The following ABCA12 variants were observed in gnomAD, a reference collection of about 807,000 sequenced individuals.
ABCA12 encodes the protein glucosylceramide transporter ABCA12.
In ABCA12, 156 loss-of-function variants were observed where a neutral mutation model predicts 293.5. The observed-to-expected ratio is 0.53, with a 90% confidence interval of 0.47 to 0.61. The LOEUF (loss-of-function observed/expected upper bound fraction) is 0.61. Among genes scored for constraint, ABCA12 ranks in the 20% least tolerant of loss-of-function variants. ABCA12 has a pLI of 0.00. For synonymous variants in ABCA12, 1,063 were observed against 1,108.0 expected (o/e 0.96, Z 0.81); for missense variants, 2,797 against 3,090.2 (o/e 0.91, Z 2.25).
intron 44 of ABCA12, among the ~76,000 whole-genome samples, chr2:214,952,070 A>AAT (rs1352157148): frequency 2.0e-5 from 3 of 152,080 alleles, no homozygotes; most frequent in African/African-American, 7.2e-5. Context: ...AAAAAAAAAA[A>AAT]ATTTAAAGAA....
At chr2:215,063,582 G>A (rs1701578259) in intron 3 of ABCA12, among the ~76,000 whole-genome samples, 1 of 151,804 alleles carries the variant, frequency 6.6e-6, no homozygotes, top group African/African-American at 2.4e-5. Context: ...ATTCAATTAT[G>A]TATACTTTTA....
At chr2:214,992,252 C>A (rs1454184975) in intron 23 of ABCA12, among the ~76,000 whole-genome samples, 1 of 151,472 alleles carries the variant, frequency 6.6e-6, no homozygotes, top group African/African-American at 2.4e-5. Context: ...ACCATCCTGG[C>A]TAACACAATG....
rs201542666 is a variant in ABCA12 at position 215,111,630 on chromosome 2, G to A, written c.130C>T (p.Arg44Trp). The change falls in exon 2 of 53, where the codon CGG (arginine) becomes TGG (tryptophan). Residue 44 changes from arginine to tryptophan, a missense_variant. Around this residue, in one of 3 missense-constraint regions of ABCA12, gnomAD observed 656 missense variants for 638.2 expected, o/e 1.03. Transcript: ENST00000272895. ...TTTGCAGTTGGAGGAAATTTGGTCC[G>A]AGTAATAGCCAAAATTATGAAAATA... ...VIIFIILAIT[R>W]TKFPPTAKPT... The A allele has an allele frequency of 4.1e-5, 66 of 1,613,218 alleles. No homozygotes were observed. Among genetic ancestry groups the A allele is most frequent in the Admixed American group, 6.7e-5 (4 of 59,980 alleles).
Position 215,080,224 on chromosome 2 carries a change from G to A in ABCA12, c.164-16005C>T, listed in dbSNP as rs77459326. ...GAATTCCCTGAACTAAAGGCCAGGTGCAGTGGCTCATGCCTGTAATCCCAG... is the reference window on the plus strand; with the variant it reads ...GAATTCCCTGAACTAAAGGCCAGGTACAGTGGCTCATGCCTGTAATCCCAG... On this transcript the variant is annotated intron_variant, in intron 2 of 52. Transcript: ENST00000272895. 2.0e-5 allele frequency among the ~76,000 whole-genome samples: 3 copies of A among 152,310 alleles called. No homozygotes were observed. In the East Asian group the frequency reaches 5.8e-4, roughly 29 times the overall value.
intron 38 of ABCA12, among the ~76,000 whole-genome samples, chr2:214,968,069 A>T (rs1699304793): frequency 6.6e-6 from 1 of 152,162 alleles, no homozygotes; most frequent in Admixed American, 6.6e-5. Flanking sequence ...ATACATTTTC[A>T]TTTCTAAATA....
chr2:214,952,592 G>A (rs536129263), intron 44 of ABCA12, among the ~76,000 whole-genome samples: 1 of 152,246 alleles, frequency 6.6e-6, no homozygotes, highest in Non-Finnish European at 1.5e-5. Context: ...TTCTCCAGGA[G>A]CTAAAACTGC....
At chr2:215,031,706 G>T (rs1006939265) in intron 9 of ABCA12, 115 bp downstream of exon 9, 7 of 1,312,000 alleles carry the variant, frequency 5.3e-6, no homozygotes, top group Non-Finnish European at 7.6e-6. Flanking sequence ...TCAGTCAATA[G>T]TTGATTTTTC....
At chr2:215,067,579 G>T (rs1451178855) in intron 2 of ABCA12, among the ~76,000 whole-genome samples, 1 of 152,164 alleles carries the variant, frequency 6.6e-6, no homozygotes, top group African/African-American at 2.4e-5. Context: ...TGAAGAATCT[G>T]CCAATTTCAT....
chr2:215,062,133 C>T (rs1033049256), intron 3 of ABCA12, among the ~76,000 whole-genome samples: 2 of 152,006 alleles, frequency 1.3e-5, no homozygotes, highest in Admixed American at 6.6e-5. Context: ...GGGTGTCTTG[C>T]TTCAGCTTCC....
intron 7 of ABCA12, among the ~76,000 whole-genome samples, chr2:215,040,625 A>G (rs947489540): frequency 1.3e-5 from 2 of 152,166 alleles, no homozygotes; most frequent in African/African-American, 2.4e-5. Context: ...CCTGGCCAAC[A>G]TGGTGAAACC....
intron 39 of ABCA12, 120 bp downstream of exon 39, chr2:214,966,728 C>T (rs1699268300): frequency 2.3e-6 from 2 of 861,976 alleles, no homozygotes; most frequent in Non-Finnish European, 3.9e-6. Context: ...CTTTTAAAGA[C>T]CTGTGATTTA....
chr2:215,046,093 A>C, intron 6 of ABCA12, 78 bp from the exon 7 acceptor site: 1 of 1,452,342 alleles, frequency 6.9e-7, no homozygotes, highest in South Asian at 1.2e-5. Flanking sequence ...TTTTAAAAGC[A>C]TCAAAAATCT....
intron 2 of ABCA12, among the ~76,000 whole-genome samples, chr2:215,107,345 G>A (rs558599664): frequency 6.6e-6 from 1 of 152,106 alleles, no homozygotes; most frequent in South Asian, 2.1e-4. Flanking sequence ...AGTGTTTTTT[G>A]GCTTTAACAT....
At chr2:215,094,742 T>A (rs1395914152) in intron 2 of ABCA12, among the ~76,000 whole-genome samples, 1 of 149,106 alleles carries the variant, frequency 6.7e-6, no homozygotes, top group Non-Finnish European at 1.5e-5. Context: ...AGACACTATG[T>A]GCTTTCTAAT....
intron 42 of ABCA12, 51 bp from the exon 43 acceptor site, chr2:214,955,412 TG>T: frequency 6.3e-7 from 1 of 1,585,712 alleles, no homozygotes; most frequent in Non-Finnish European, 8.7e-7. Context: ...CCAGGCATGG[TG>T]GCTCACACCT....
chr2:215,077,781 A>C (rs1427549272), intron 2 of ABCA12, among the ~76,000 whole-genome samples: 1 of 152,204 alleles, frequency 6.6e-6, no homozygotes, highest in East Asian at 1.9e-4. Context: ...TGTTCGATGA[A>C]TGCTGTGCTC....
intron 34 of ABCA12, among the ~76,000 whole-genome samples, 193 bp from the exon 35 acceptor site, chr2:214,975,057 C>A (rs1259239677): frequency 1.3e-5 from 2 of 152,268 alleles, no homozygotes; most frequent in Middle Eastern, 6.8e-3. Context: ...CTCAGCCTCC[C>A]GGGTTCAAGC....
chr2:214,990,927 G>C lies in ABCA12; in HGVS notation c.3399C>G (p.Leu1133=). 6.2e-7 allele frequency: 1 copy of C among 1,614,026 alleles called. No individual in the cohort carries two copies. The highest frequency in any genetic ancestry group is 8.5e-7 in the Non-Finnish European group (1 of 1,179,978). Residue 1133 remains leucine (L), a synonymous_variant, in exon 24 of 53, where the codon CTC becomes CTG. Transcript: ENST00000272895. ...TTTTAGGAAGAATATTGCCAAACTT[G>C]AGTATAATGATGAGGATCACGATGG... The part of the protein sequence containing the change: ...LVTIVILIII[L]KFGNILPKTN...
intron 23 of ABCA12, among the ~76,000 whole-genome samples, 157 bp from the exon 24 acceptor site, chr2:214,991,188 A>C (rs1251998917): frequency 6.6e-6 from 1 of 152,336 alleles, no homozygotes; most frequent in South Asian, 2.1e-4. Context: ...CATGCTTGCT[A>C]TGTGAAATAT....
Sources: allele counts gnomAD v4.1 joint callset (sites outside exome capture counted in the v4.1 genomes callset), GRCh38; gene constraint gnomAD v4.1.1; regional missense constraint gnomAD v4.1.1; transcripts MANE v1.5; gene names NCBI Gene and HGNC (gene_info 2026-07-23, HGNC 2026-07-21).